Variants in PPHLN1 observed in about 807,000 individuals in gnomAD.
The protein encoded by PPHLN1 is periphilin 1.
In PPHLN1, 29 loss-of-function variants were observed where a neutral mutation model predicts 51.3. The observed-to-expected ratio is 0.57, with a 90% CI of 0.42 to 0.77. The LOEUF (loss-of-function observed/expected upper bound fraction) is 0.77. PPHLN1 is among the 30% of genes least tolerant of loss of function. PPHLN1 has a pLI of 0.00. For synonymous variants in PPHLN1, 147 were observed against 147.8 expected (o/e 0.99, Z 0.04); for missense variants, 436 against 438.4 (o/e 0.99, Z 0.05).
At chr12:42,427,112 C>T (rs1013588466) in intron 9 of PPHLN1, among the ~76,000 whole-genome samples, 1 of 151,998 alleles carries the variant, frequency 6.6e-6, no homozygotes, top group African/African-American at 2.4e-5. Context: ...TAAAATGTGA[C>T]CTTTTGTACA....
intron 9 of PPHLN1, among the ~76,000 whole-genome samples, chr12:42,418,532 T>A (rs1316811530): frequency 1.3e-5 from 2 of 152,104 alleles, no homozygotes; most frequent in African/African-American, 4.8e-5. Flanking sequence ...CAAATTTCTT[T>A]CATGTTACCC....
At chr12:42,375,264 G>C in intron 5 of PPHLN1, 190 bp downstream of exon 5, 2 of 375,328 alleles carry the variant, frequency 5.3e-6, no homozygotes, top group South Asian at 9.7e-5. Flanking sequence ...CAAACTATTT[G>C]AAGTGGCATT....
At chr12:42,397,913 G>A (rs969672595) in intron 8 of PPHLN1, among the ~76,000 whole-genome samples, 1 of 151,604 alleles carries the variant, frequency 6.6e-6, no homozygotes, top group Non-Finnish European at 1.5e-5. Flanking sequence ...TGGTAGAGAC[G>A]GGTTTTCACC....
intron 4 of PPHLN1, among the ~76,000 whole-genome samples, chr12:42,357,573 C>A (rs912835827): frequency 6.6e-6 from 1 of 152,116 alleles, no homozygotes; most frequent in Non-Finnish European, 1.5e-5. Context: ...ACATTGGAAG[C>A]TGATATATCC....
intron 8 of PPHLN1, among the ~76,000 whole-genome samples, chr12:42,394,595 C>T (rs1000313102): frequency 2.4e-4 from 37 of 152,162 alleles, no homozygotes; most frequent in Middle Eastern, 3.4e-3. Flanking sequence ...TCAGAACTTA[C>T]GCAAATAGAG....
At chr12:42,362,824 G>C (rs928067306) in intron 4 of PPHLN1, among the ~76,000 whole-genome samples, 1 of 152,192 alleles carries the variant, frequency 6.6e-6, no homozygotes, top group Admixed American at 6.5e-5. Flanking sequence ...TGCACATCTT[G>C]CCAAGATATG....
At position 42,426,268 on chromosome 12, in the gene PPHLN1, A is replaced by T. The variant is rs1363561946; in HGVS notation, c.910-15047A>T. 2.0e-5 allele frequency among the ~76,000 whole-genome samples: 3 copies of T among 151,552 alleles called. No homozygotes were observed. In the South Asian group the frequency reaches 6.3e-4, roughly 32 times the overall value. On this transcript the variant is annotated intron_variant, in intron 9 of 9. Coordinates refer to ENST00000358314, the MANE Select transcript of PPHLN1 (RefSeq NM_201439.2). ...CTCATGGCAGTTAGGAATCATAATC[A>T]GATGACCTGCCTTCCAGACCCCTCC...
At chr12:42,340,311 CA>C (rs201722204) in intron 2 of PPHLN1, among the ~76,000 whole-genome samples, 2,683 of 77,440 alleles carry the variant, frequency 0.035, 47 homozygotes, top group East Asian at 0.14. Context: ...GATCCTGTCT[CA>C]AAAAAAAAAA....
At chr12:42,354,210 A>G (rs1261225117) in intron 3 of PPHLN1, among the ~76,000 whole-genome samples, 2 of 152,192 alleles carry the variant, frequency 1.3e-5, no homozygotes, top group Admixed American at 6.5e-5. Context: ...GTATTATTCT[A>G]TGTATAATTT....
intron 5 of PPHLN1, among the ~76,000 whole-genome samples, chr12:42,379,956 T>C (rs928903557): frequency 6.6e-6 from 1 of 152,080 alleles, no homozygotes; most frequent in Admixed American, 6.5e-5. Context: ...TTTATCAGCA[T>C]TGTTTGTTGC....
At position 42,335,988 on chromosome 12, in the gene PPHLN1, A is replaced by G. The variant is rs967989868; in HGVS notation, c.72+14A>G. 1.3e-6 allele frequency: 2 copies of G among 1,511,498 alleles called. No homozygotes were observed. The highest frequency in any genetic ancestry group is 1.9e-5 in the Admixed American group (1 of 51,816). The allele number at this position is 1,511,498 out of a possible 1,614,324, so 93.6% of individuals were successfully genotyped here. ...AGTCATCCCAGTGTAAGTTACTCCT[A>G]CATATTGAATGATTCAAAAACCTGG... On this transcript the variant is annotated intron_variant, in intron 2 of 9. Coordinates refer to ENST00000358314, the MANE Select transcript of PPHLN1 (RefSeq NM_201439.2).
chr12:42,388,663 C>A (rs945806785), intron 7 of PPHLN1, among the ~76,000 whole-genome samples: 16 of 152,194 alleles, frequency 1.1e-4, no homozygotes, highest in Non-Finnish European at 2.2e-4. Flanking sequence ...TCTCTCGTCC[C>A]ACCTGACGAG....
At chr12:42,335,752 T>G in intron 1 of PPHLN1, 131 bp from the exon 2 acceptor site, 1 of 399,038 alleles carries the variant, frequency 2.5e-6, no homozygotes. Context: ...TTTCTTTTGG[T>G]CACTTTCATT....
chr12:42,439,975 A>G (rs2082806182), intron 9 of PPHLN1, among the ~76,000 whole-genome samples: 1 of 151,942 alleles, frequency 6.6e-6, no homozygotes, highest in Admixed American at 6.6e-5. Flanking sequence ...TTTCATTGAG[A>G]CTATATTGAA....
chr12:42,434,602 CTGATGTGTGGGCA>C (rs1242437982), intron 9 of PPHLN1, among the ~76,000 whole-genome samples: 1 of 152,140 alleles, frequency 6.6e-6, no homozygotes, highest in Admixed American at 6.5e-5. Context: ...TGCTGGGGAA[CTGATGTGTGGGCA>C]TGCCAGAAGT....
chr12:42,399,349 TTTC>T, intron 9 of PPHLN1: 2 of 851,848 alleles, frequency 2.3e-6, no homozygotes, highest in Non-Finnish European at 2.8e-6. Flanking sequence ...ATTACAGATG[TTTC>T]TTATGTTTTT....
chr12:42,391,626 T>TG (rs1353638236), intron 7 of PPHLN1, among the ~76,000 whole-genome samples: 1 of 151,700 alleles, frequency 6.6e-6, no homozygotes, highest in African/African-American at 2.4e-5. Flanking sequence ...CCTCACCCCC[T>TG]GGAAAAAAAA....
At chr12:42,374,434 G>C (rs1451205898) in intron 4 of PPHLN1, among the ~76,000 whole-genome samples, 1 of 54,308 alleles carries the variant, frequency 1.8e-5, no homozygotes, top group Non-Finnish European at 3.9e-5. Context: ...AGAACCAAGA[G>C]TACAAATTTT....
intron 4 of PPHLN1, among the ~76,000 whole-genome samples, chr12:42,364,693 G>T (rs2075076859): frequency 6.6e-6 from 1 of 152,024 alleles, no homozygotes; most frequent in Non-Finnish European, 1.5e-5. Flanking sequence ...GCCCGAGGTG[G>T]GTGGATCACC....
Sources: gnomAD v4.1 joint callset for allele counts (sites outside exome capture counted in the v4.1 genomes callset) on GRCh38, gnomAD v4.1.1 for gene constraint, MANE v1.5 for transcripts, NCBI Gene and HGNC (gene_info 2026-07-23, HGNC 2026-07-21) for gene names.